The following TMEM232 variants were observed in gnomAD, a reference collection of about 807,000 sequenced individuals.
TMEM232 encodes the protein transmembrane protein 232.
In TMEM232, 80 loss-of-function variants were observed where a neutral mutation model predicts 78.8. That is an observed-to-expected ratio of 1.01 (90% confidence interval 0.85 to 1.22). The LOEUF is 1.22. Among genes scored for constraint, TMEM232 ranks in the 50% most tolerant of loss-of-function variants. The pLI is 0.00. For missense variants in TMEM232, 881 were observed against 742.2 expected (o/e 1.19, Z -2.17); for synonymous variants, 297 against 254.3 (o/e 1.17, Z -1.60).
At chr5:110,483,662 A>G (rs1277928656) in intron 12 of TMEM232, among the ~76,000 whole-genome samples, 1 of 152,100 alleles carries the variant, frequency 6.6e-6, no homozygotes, top group Non-Finnish European at 1.5e-5. Context: ...TGATGAGTTA[A>G]TGGGTGCAGC....
chr5:110,532,303 G>A (rs1354075454), intron 11 of TMEM232, among the ~76,000 whole-genome samples: 1 of 151,750 alleles, frequency 6.6e-6, no homozygotes, highest in South Asian at 2.1e-4. Flanking sequence ...TCTCGGCTTA[G>A]CGGCTGAAGA....
At chr5:110,700,538 G>C (rs989219466) in intron 1 of TMEM232, among the ~76,000 whole-genome samples, 18 of 151,982 alleles carry the variant, frequency 1.2e-4, no homozygotes. Context: ...CCTTTCCAAA[G>C]GGAACCTCAG....
At chr5:110,400,294 T>C (rs1472473855) in intron 2 of TMEM232, among the ~76,000 whole-genome samples, 4 of 152,128 alleles carry the variant, frequency 2.6e-5, no homozygotes, top group Admixed American at 2.6e-4. Context: ...TATGACAGTT[T>C]TCTCAAATGT....
At chr5:110,713,657 T>A (rs184339355) in intron 1 of TMEM232, among the ~76,000 whole-genome samples, 58 of 152,194 alleles carry the variant, frequency 3.8e-4, no homozygotes, top group African/African-American at 1.3e-3. Context: ...GACATACAGA[T>A]AACAAAAACT....
At chr5:110,521,824 G>A (rs1464480777) in intron 12 of TMEM232, among the ~76,000 whole-genome samples, 2 of 152,064 alleles carry the variant, frequency 1.3e-5, no homozygotes, top group Non-Finnish European at 2.9e-5. Context: ...CTATACATCT[G>A]TCTTTATGCT....
At chr5:110,520,954 A>G (rs975105482) in intron 12 of TMEM232, among the ~76,000 whole-genome samples, 1 of 152,074 alleles carries the variant, frequency 6.6e-6, no homozygotes, top group Non-Finnish European at 1.5e-5. Flanking sequence ...TGCTGTTCCA[A>G]TTCTGTGGGT....
At chr5:110,563,362 T>A (rs1204526787) in intron 11 of TMEM232, among the ~76,000 whole-genome samples, 1 of 151,914 alleles carries the variant, frequency 6.6e-6, no homozygotes, top group Non-Finnish European at 1.5e-5. Flanking sequence ...TATCAAATGA[T>A]TGGCTCTGAA....
intron 2 of TMEM232, among the ~76,000 whole-genome samples, chr5:110,663,056 A>G (rs1036604192): frequency 6.6e-6 from 1 of 152,148 alleles, no homozygotes; most frequent in African/African-American, 2.4e-5. Context: ...AAGTTTGTAC[A>G]TTAAGATGTA....
intron 1 of TMEM232, among the ~76,000 whole-genome samples, chr5:110,695,612 A>G (rs1237108223): frequency 7.2e-5 from 11 of 152,326 alleles, no homozygotes; most frequent in Non-Finnish European, 1.2e-4. Context: ...AAAAAATGAT[A>G]AAGGGGTAAC....
At chr5:110,408,541 G>A (rs1020081494) in intron 2 of TMEM232, among the ~76,000 whole-genome samples, 1 of 151,998 alleles carries the variant, frequency 6.6e-6, no homozygotes, top group Admixed American at 6.6e-5. Flanking sequence ...GCAGTGAGCC[G>A]AGGCTGTGTC....
intron 12 of TMEM232, among the ~76,000 whole-genome samples, chr5:110,523,120 A>G (rs7701890): frequency 0.15 from 22,697 of 152,054 alleles, 2,103 homozygotes; most frequent in African/African-American, 0.25. Context: ...ATTACTATAT[A>G]ATTTAGACTT....
chr5:110,534,584 C>T (rs1772044769), intron 11 of TMEM232, among the ~76,000 whole-genome samples: 2 of 152,270 alleles, frequency 1.3e-5, no homozygotes, highest in African/African-American at 4.8e-5. Flanking sequence ...TATCTTCTGT[C>T]TAGTCATACT....
chr5:110,528,523 TATA>T, intron 12 of TMEM232, 62 bp downstream of exon 12: 1 of 1,392,686 alleles, frequency 7.2e-7, no homozygotes, highest in Non-Finnish European at 9.3e-7. Flanking sequence ...CATAATTATC[TATA>T]ATTTCTGTGA....
At chr5:110,519,968 G>A (rs1392851596) in intron 12 of TMEM232, among the ~76,000 whole-genome samples, 2 of 150,442 alleles carry the variant, frequency 1.3e-5, no homozygotes, top group Admixed American at 1.3e-4. Flanking sequence ...TAGAAGTCAG[G>A]AGGAGTAGTG....
intron 2 of TMEM232, among the ~76,000 whole-genome samples, chr5:110,653,380 T>G (rs890311967): frequency 1.3e-5 from 2 of 152,214 alleles, no homozygotes; most frequent in Non-Finnish European, 2.9e-5. Flanking sequence ...ACAGCCTAGT[T>G]CCTGGCATAT....
At chr5:110,492,424 A>C (rs1470263775) in intron 12 of TMEM232, among the ~76,000 whole-genome samples, 2 of 151,922 alleles carry the variant, frequency 1.3e-5, no homozygotes, top group African/African-American at 2.4e-5. Context: ...AACGAATCAA[A>C]AATTTTAAAA....
chr5:110,527,744 T>C (rs566873528), intron 12 of TMEM232, among the ~76,000 whole-genome samples: 3 of 152,050 alleles, frequency 2.0e-5, no homozygotes, highest in Non-Finnish European at 2.9e-5. Flanking sequence ...AATTGCTCAA[T>C]AGAGCACTGA....
chr5:110,625,168 C>A, intron 7 of TMEM232, 99 bp downstream of exon 7: 1 of 1,245,370 alleles, frequency 8.0e-7, no homozygotes, highest in Non-Finnish European at 1.0e-6. Flanking sequence ...CTCATCATTC[C>A]TCAATGTCTA....
intron 12 of TMEM232, among the ~76,000 whole-genome samples, chr5:110,506,168 A>G: frequency 6.6e-6 from 1 of 152,202 alleles, no homozygotes; most frequent in East Asian, 1.9e-4. Flanking sequence ...ACTGTCTAGC[A>G]TACCTTACGG....
Sources: allele counts gnomAD v4.1 joint callset (sites outside exome capture counted in the v4.1 genomes callset), GRCh38; gene constraint gnomAD v4.1.1; transcripts MANE v1.5; gene names NCBI Gene and HGNC (gene_info 2026-07-23, HGNC 2026-07-21).